Variants in CDC27 observed in about 807,000 individuals in gnomAD.
CDC27 encodes cell division cycle 27, also known as cell division cycle protein 27 homolog.
CDC27 carries 27 observed loss-of-function variants against 109.7 expected under a neutral mutation model. The observed-to-expected ratio is 0.25, with a 90% CI of 0.18 to 0.34. CDC27 has a LOEUF of 0.34. Among genes scored for constraint, CDC27 ranks in the 10% least tolerant of loss-of-function variants. The probability of loss-of-function intolerance (pLI) is 1.00; values close to 1 mark genes in which losing one functional copy is unlikely to be tolerated. For synonymous variants in CDC27, 266 were observed against 333.9 expected, an observed-to-expected ratio of 0.80 and a Z score of 2.22; for missense variants, 579 against 960.2, an observed-to-expected ratio of 0.60 and a Z score of 5.25.
intron 2 of CDC27, among the ~76,000 whole-genome samples, chr17:47,174,849 G>A (rs766541430): frequency 3.9e-5 from 6 of 151,974 alleles, no homozygotes; most frequent in Admixed American, 1.3e-4. Flanking sequence ...CCAGCTACTC[G>A]GGAGGCTGAG....
At chr17:47,152,477 T>C (rs2063180565) in intron 8 of CDC27, among the ~76,000 whole-genome samples, 1 of 152,218 alleles carries the variant, frequency 6.6e-6, no homozygotes, top group Admixed American at 6.5e-5. Flanking sequence ...TTTCTAATCT[T>C]CATTAATTGG....
rs759936019 is a variant in CDC27, at chr17:47,154,647, A to G, written c.957+25T>C. 5 of 1,245,364 alleles carry G rather than the reference A, an allele frequency of 4.0e-6. No homozygotes were observed. In the Admixed American group the frequency reaches 7.4e-5, roughly 18 times the overall value. The allele number at this position is 1,245,364 out of a possible 1,614,324, so 77.1% of individuals were successfully genotyped here. On this transcript the variant is annotated intron_variant, in intron 8 of 18. Transcript: ENST00000066544. ...AAACAAGTTGCTTTAATCAATTCCC[A>G]AACTGCATTTTACATGGAAAATACC...
At chr17:47,139,034 C>T in intron 12 of CDC27, 143 bp from the exon 13 acceptor site, 1 of 538,604 alleles carries the variant, frequency 1.9e-6, no homozygotes, top group South Asian at 3.2e-5. Context: ...AACACAAGGA[C>T]AAATTCAGCA....
chr17:47,140,623 G>A (rs932172882), intron 12 of CDC27, among the ~76,000 whole-genome samples: 15 of 152,038 alleles, frequency 9.9e-5, no homozygotes, highest in Non-Finnish European at 1.9e-4. Flanking sequence ...CTATAACTAG[G>A]GGAAACAATA....
At chr17:47,178,552 AG>A (rs1348453012) in intron 2 of CDC27, among the ~76,000 whole-genome samples, 27 of 60,978 alleles carry the variant, frequency 4.4e-4, no homozygotes, top group South Asian at 1.1e-3. Context: ...AATAAAAATA[AG>A]AAAAAAAAAA....
In CDC27 at chr17:47,119,276, T is replaced by C. The variant is rs1334365378; in HGVS notation, c.*1659A>G. 1.3e-5 allele frequency: 2 copies of C among 152,306 alleles called. No individual in the cohort carries two copies. The highest frequency in any genetic ancestry group is 4.8e-5 in the African/African-American group (2 of 41,586). 9.4% of individuals were successfully genotyped at this position (152,306 alleles called of 1,614,324 possible). On this transcript the variant is annotated 3_prime_UTR_variant, in exon 19 of 19. Coordinates refer to ENST00000066544, the MANE Select transcript of CDC27 (RefSeq NM_001256.6). Reference sequence around the variant, plus strand: ...TATTGTTTTAGACAGTACATATACATAAATTTAGGTAGGGAAATCTGTTAA... The same window carrying C: ...TATTGTTTTAGACAGTACATATACACAAATTTAGGTAGGGAAATCTGTTAA...
chr17:47,149,330 G>T (rs1409857804), intron 9 of CDC27, among the ~76,000 whole-genome samples: 1 of 151,302 alleles, frequency 6.6e-6, no homozygotes, highest in Non-Finnish European at 1.5e-5. Context: ...GGCCAACATG[G>T]TGAAACCCCG....
At chr17:47,128,290 C>T (rs577517540) in intron 16 of CDC27, among the ~76,000 whole-genome samples, 13 of 152,262 alleles carry the variant, frequency 8.5e-5, no homozygotes, top group African/African-American at 2.9e-4. Flanking sequence ...CTTGGCCTCC[C>T]GAAGAGCTGG....
chr17:47,122,003 G>GT (rs1264404424), intron 18 of CDC27, among the ~76,000 whole-genome samples: 1 of 152,016 alleles, frequency 6.6e-6, no homozygotes, highest in African/African-American at 2.4e-5. Context: ...CTCCCAAAGT[G>GT]TTGGAATTAC....
intron 15 of CDC27, among the ~76,000 whole-genome samples, chr17:47,129,747 A>C (rs1438296033): frequency 6.6e-6 from 1 of 152,218 alleles, no homozygotes; most frequent in Non-Finnish European, 1.5e-5. Flanking sequence ...ACTAAAGATG[A>C]GAATACTGAA....
chr17:47,187,641 T>C (rs1028179236), intron 1 of CDC27, among the ~76,000 whole-genome samples: 5 of 151,610 alleles, frequency 3.3e-5, no homozygotes, highest in Admixed American at 1.3e-4. Context: ...TATTAAATGG[T>C]GGTTATAGTC....
intron 4 of CDC27, among the ~76,000 whole-genome samples, chr17:47,165,772 T>C (rs902808210): frequency 1.3e-5 from 2 of 152,198 alleles, no homozygotes; most frequent in African/African-American, 2.4e-5. Flanking sequence ...AAAAGTTTAA[T>C]AGTTTTATGT....
chr17:47,164,278 T>C (rs1297719069), intron 4 of CDC27, among the ~76,000 whole-genome samples: 1 of 152,198 alleles, frequency 6.6e-6, no homozygotes, highest in Non-Finnish European at 1.5e-5. Flanking sequence ...TGTTCACAAA[T>C]GACAAAATCA....
At chr17:47,144,093 C>G in intron 9 of CDC27, 111 bp from the exon 10 acceptor site, 1 of 348,384 alleles carries the variant, frequency 2.9e-6, no homozygotes, top group Non-Finnish European at 5.0e-6. Context: ...TATAAGTACT[C>G]TAAAGTTGAT....
rs184399527 is a variant in CDC27 at position 47,130,316 on chromosome 17, C to T, written c.2032-795G>A. 2.0e-3 allele frequency among the ~76,000 whole-genome samples: 297 copies of T among 151,638 alleles called. 1 individual carries two copies. The highest frequency in any genetic ancestry group is 5.3e-3 in the African/African-American group (220 of 41,320). On this transcript the variant is annotated intron_variant, in intron 15 of 18. Coordinates refer to ENST00000066544, the MANE Select transcript of CDC27 (RefSeq NM_001256.6). ...CAGAGGTTGCAGTGAGCCAAGATCG[C>T]GCCACTGCACTCCAGCCTGGGCGAC... is the stretch of plus-strand genomic sequence containing the variant.
Position 47,138,237 on chromosome 17 carries a change from G to C in CDC27, c.1704+502C>G, listed in dbSNP as rs1411328231. 2.0e-5 allele frequency among the ~76,000 whole-genome samples: 3 copies of C among 152,150 alleles called. No homozygotes were observed. The East Asian group carries it at 5.8e-4, about 29-fold the overall frequency. On this transcript the variant is annotated intron_variant, in intron 13 of 18. Transcript: ENST00000066544. ...ACATTGGTTCAGTAGCACTAATTCA[G>C]TGTTCATGTTGACTACAGAATTACC...
At chr17:47,158,054 G>A (rs11570481) in intron 5 of CDC27, 152 bp downstream of exon 5, 36,120 of 406,568 alleles carry the variant, frequency 0.089, 1,962 homozygotes, top group South Asian at 0.18. Flanking sequence ...GAAACATACC[G>A]AAGATTCTAA....
In CDC27 at chr17:47,181,641, C is replaced by A. The variant is rs75133586; in HGVS notation, c.28-4G>T. On this transcript the variant is annotated splice_polypyrimidine_tract_variant and splice_region_variant and intron_variant, in intron 1 of 18. Transcript: ENST00000066544. ...TTAGTGCTTGCCATATAGCAGCCTG[C>A]AAATGGAGGAAAAAGAACATAAATA... 1.9e-6 allele frequency: 3 copies of A among 1,584,150 alleles called. No individual in the cohort carries two copies. The East Asian group carries it at 6.7e-5, about 35-fold the overall frequency.
rs2064323446 is a variant in CDC27 at position 47,183,617 on chromosome 17, A to G, written c.28-1980T>C. The stretch of plus-strand genomic sequence containing the variant: ...ATTAGGCACCATTATTATACACTCT[A>G]ATTGCACCAAGTACCTTTCCTTTGT... On this transcript the variant is annotated intron_variant, in intron 1 of 18. Coordinates refer to ENST00000066544, the MANE Select transcript of CDC27 (RefSeq NM_001256.6). Among the ~76,000 whole-genome samples, 5 of 152,162 alleles carry G rather than the reference A, an allele frequency of 3.3e-5. 1 individual carries two copies. Among genetic ancestry groups the G allele is most frequent in the Admixed American group, 3.3e-4 (5 of 15,278 alleles).
Sources: gnomAD v4.1 joint callset for allele counts (sites outside exome capture counted in the v4.1 genomes callset) on GRCh38, gnomAD v4.1.1 for gene constraint, MANE v1.5 for transcripts, NCBI Gene and HGNC (gene_info 2026-07-23, HGNC 2026-07-21) for gene names.